Variants in CEP63 observed in about 807,000 individuals in gnomAD.
The protein encoded by CEP63 is centrosomal protein 63, also known as centrosomal protein of 63 kDa.
In CEP63, 84 loss-of-function variants were observed where a neutral mutation model predicts 89.1. The observed-to-expected ratio is 0.94, with a 90% confidence interval of 0.79 to 1.13. The LOEUF is 1.13. Among genes scored for constraint, CEP63 ranks in the 50% most tolerant of loss-of-function variants. The pLI is 0.00. For missense variants in CEP63, 838 were observed against 813.3 expected (o/e 1.03, Z -0.37); for synonymous variants, 267 against 272.5 (o/e 0.98, Z 0.20).
At chr3:134,741,205 A>G in the CEP63 span, among the ~76,000 whole-genome samples, 1 of 152,194 alleles carries the variant, frequency 6.6e-6, no homozygotes, top group Non-Finnish European at 1.5e-5. Flanking sequence ...CCACAGGGCC[A>G]AGACAACCAA....
the CEP63 span, chr3:134,610,116 C>T: frequency 2.0e-6 from 3 of 1,476,436 alleles, no homozygotes; most frequent in South Asian, 2.5e-5. Flanking sequence ...TGGTCTTCTC[C>T]ACCTGCTGCT....
intron 1 of CEP63, among the ~76,000 whole-genome samples, chr3:134,490,919 A>G (rs533263292): frequency 6.6e-6 from 1 of 152,272 alleles, no homozygotes; most frequent in Non-Finnish European, 1.5e-5. Flanking sequence ...AGAGATTGTT[A>G]TTCCTTTTTA....
At chr3:134,628,365 T>G in the CEP63 span, among the ~76,000 whole-genome samples, 1 of 152,218 alleles carries the variant, frequency 6.6e-6, no homozygotes, top group East Asian at 1.9e-4. Context: ...GTTATTAGAC[T>G]CCCTGGGCAA....
the CEP63 span, among the ~76,000 whole-genome samples, chr3:134,704,848 A>G: frequency 0.015 from 2,257 of 152,312 alleles, 29 homozygotes; most frequent in Non-Finnish European, 0.025. Context: ...CTTGTTGAAG[A>G]GGTGGGGCGT....
intron 6 of CEP63, among the ~76,000 whole-genome samples, chr3:134,544,127 G>A (rs932224029): frequency 1.3e-5 from 2 of 152,136 alleles, no homozygotes; most frequent in African/African-American, 4.8e-5. Context: ...GACCTGTACT[G>A]TAAATAATAA....
chr3:134,625,117 G>A, the CEP63 span: 1 of 1,600,372 alleles, frequency 6.2e-7, no homozygotes, highest in Non-Finnish European at 8.5e-7. Flanking sequence ...TTTCAGGCTA[G>A]ATCGATCCCA....
At chr3:134,611,592 C>G in the CEP63 span, among the ~76,000 whole-genome samples, 17 of 152,242 alleles carry the variant, frequency 1.1e-4, no homozygotes, top group Non-Finnish European at 8.8e-5. Flanking sequence ...GATACACAAC[C>G]TGTGAAACCG....
chr3:134,748,847 A>G, the CEP63 span, among the ~76,000 whole-genome samples: 152,273 of 152,308 alleles, frequency 1, 76,119 homozygotes, highest in Non-Finnish European at 1. Flanking sequence ...ACACGGATGC[A>G]GGCTAGTCAG....
the CEP63 span, among the ~76,000 whole-genome samples, chr3:134,626,943 C>T: frequency 2.0e-5 from 3 of 152,156 alleles, no homozygotes; most frequent in Non-Finnish European, 2.9e-5. Context: ...GCCATCAGGG[C>T]GATCTAAGTG....
chr3:134,643,831 T>TTTC, the CEP63 span, among the ~76,000 whole-genome samples: 7 of 149,032 alleles, frequency 4.7e-5, no homozygotes, highest in Non-Finnish European at 9.0e-5. Flanking sequence ...TCCTGCTTCT[T>TTTC]TTTTTTTTTT....
the CEP63 span, among the ~76,000 whole-genome samples, chr3:134,654,254 C>A: frequency 6.6e-6 from 1 of 152,142 alleles, no homozygotes; most frequent in East Asian, 1.9e-4. Flanking sequence ...GGGCTTGCTC[C>A]TGGCAGTTGA....
Position 134,547,351 on chromosome 3 carries a change from C to G in CEP63, c.946C>G (p.Leu316Val), listed in dbSNP as rs749742427. ...TTTCCATAGGCCACGGGAAGAATCT[C>G]TGGCAGAAAAGAAGTACACCTCTCA... ...VEAIRPREES[L>V]AEKKYTSQGQ... Residue 316 changes from leucine (L) to valine (V), a missense_variant, in exon 9 of 15, where the codon CTG (leucine) becomes GTG (valine). Transcript: ENST00000675561. The G allele has an allele frequency of 1.9e-6, 3 of 1,613,602 alleles. No individual in the cohort carries two copies. Among genetic ancestry groups the G allele is most frequent in the African/African-American group, 1.3e-5 (1 of 74,988 alleles).
intron 14 of CEP63, 51 bp from the exon 15 acceptor site, chr3:134,561,326 A>G (rs960383001): frequency 1.4e-6 from 2 of 1,481,120 alleles, no homozygotes; most frequent in Non-Finnish European, 1.9e-6. Flanking sequence ...TGTATCTTAG[A>G]AATATAATAT....
In CEP63 at chr3:134,581,467, C is replaced by T. The variant is rs879876173; in HGVS notation, c.1207-5991C>T. Among the ~76,000 whole-genome samples, 25 of 150,272 alleles carry T rather than the reference C, an allele frequency of 1.7e-4. No homozygotes were observed. In the Middle Eastern group the frequency reaches 0.017, roughly 104 times the overall value. ...ATGGTGGTGGGCACTGTAGTCCCAGCTACTCAGGAGGCTGAGGCAGGAGAA... is the reference window on the plus strand; with the variant it reads ...ATGGTGGTGGGCACTGTAGTCCCAGTTACTCAGGAGGCTGAGGCAGGAGAA... On this transcript the variant is annotated intron_variant, in intron 10 of 10. Transcript: ENST00000683931.
At chr3:134,577,649 A>G (rs537253799), downstream of CEP63, among the ~76,000 whole-genome samples, 1 of 151,908 alleles carries the variant, frequency 6.6e-6, no homozygotes, top group African/African-American at 2.4e-5. Context: ...ACATGTGCAG[A>G]ATGTGCAGGT....
the CEP63 span, among the ~76,000 whole-genome samples, chr3:134,771,687 T>C: frequency 6.6e-6 from 1 of 152,328 alleles, no homozygotes; most frequent in African/African-American, 2.4e-5. Flanking sequence ...ATTCCTAATA[T>C]AGATGGGTTG....
In CEP63 at chr3:134,564,996, T is replaced by C. The variant is rs1957688472; in HGVS notation, c.*3461T>C. The stretch of plus-strand genomic sequence containing the variant: ...TGTCTCACCATTTTTCAAAAAGATA[T>C]ATTAATACCAAATATTAAAATGTGT... On this transcript the variant is annotated 3_prime_UTR_variant, in exon 15 of 15. Transcript: ENST00000675561. 1 of 969,502 alleles carries C rather than the reference T, an allele frequency of 1.0e-6. No individual in the cohort carries two copies. The highest frequency in any genetic ancestry group is 1.2e-6 in the Non-Finnish European group (1 of 815,472). 60.1% of individuals were successfully genotyped at this position (969,502 alleles called of 1,614,324 possible).
At chr3:134,762,068 A>G in the CEP63 span, among the ~76,000 whole-genome samples, 1 of 152,218 alleles carries the variant, frequency 6.6e-6, no homozygotes, top group Non-Finnish European at 1.5e-5. Context: ...CCTCAGCTAT[A>G]TATAGTGTCT....
chr3:134,606,922 A>T, the CEP63 span: 7 of 984,478 alleles, frequency 7.1e-6, no homozygotes, highest in African/African-American at 3.5e-5. Context: ...TGCTCATCTC[A>T]GTTTCCCTAT....
Sources: gnomAD v4.1 joint callset for allele counts (sites outside exome capture counted in the v4.1 genomes callset) on GRCh38, gnomAD v4.1.1 for gene constraint, MANE v1.5 for transcripts, NCBI Gene and HGNC (gene_info 2026-07-23, HGNC 2026-07-21) for gene names.